Variants in ADGRV1 observed in about 807,000 individuals in gnomAD.
The protein encoded by ADGRV1 is G-protein coupled receptor 98.
ADGRV1 carries 359 observed loss-of-function variants against 596.2 expected under a neutral mutation model. The ratio of observed to expected loss-of-function variants is 0.60; its 90% CI spans 0.55 to 0.66. The LOEUF is 0.66. Ranked by LOEUF, ADGRV1 falls within the 30% of genes least tolerant of loss-of-function variation. The pLI is 0.00. For synonymous variants in ADGRV1, 2,681 were observed against 2,679.2 expected (o/e 1.00, Z -0.02); for missense variants, 7,274 against 7,575.6 (o/e 0.96, Z 1.48).
chr5:91,153,303 C>A lies in ADGRV1; in HGVS notation c.18707C>A (p.Ala6236Asp). The A allele has an allele frequency of 6.2e-7, 1 of 1,611,354 alleles. No individual in the cohort carries two copies. The highest frequency in any genetic ancestry group is 8.5e-7 in the Non-Finnish European group (1 of 1,178,790). Residue 6236 changes from alanine (A) to aspartate (D), a missense_variant, in exon 89 of 90, where the codon GCC becomes GAC. Transcript: ENST00000405460. ...TTAAAGCCAAGTCCACAAAATGGAG[C>A]CACGTTCCCGTCCTCTGGAGGATAT... ...PDLKPSPQNG[A>D]TFPSSGGYGQ...
chr5:90,638,077 G>T, intron 11 of ADGRV1, 129 bp downstream of exon 11: 1 of 613,062 alleles, frequency 1.6e-6, no homozygotes, highest in Non-Finnish European at 2.7e-6. Context: ...GTGTTATACT[G>T]GCCTTCAGAC....
At position 91,072,488 on chromosome 5, in the gene ADGRV1, C is replaced by A; in HGVS notation, c.18194C>A (p.Ala6065Asp). The change falls in exon 86 of 90, where the codon GCT becomes GAT. Residue 6065 changes from alanine (A) to aspartate (D), a missense_variant. Physicochemically the swap from Ala to Asp is moderately radical, Grantham distance 126. Coordinates refer to ENST00000405460, the MANE Select transcript of ADGRV1 (RefSeq NM_032119.4). ...GTCTATGCTGCTTTGTTCACTGCAGCTCTTGTTCCTTTGACGTGCCTCGTG... is the reference window on the plus strand; with the variant it reads ...GTCTATGCTGCTTTGTTCACTGCAGATCTTGTTCCTTTGACGTGCCTCGTG... ...PNVYAALFTA[A>D]LVPLTCLVVV... 1 of 1,613,862 alleles carries A rather than the reference C, an allele frequency of 6.2e-7. No homozygotes were observed. The highest frequency in any genetic ancestry group is 8.5e-7 in the Non-Finnish European group (1 of 1,179,758).
chr5:90,759,646 G>T, intron 58 of ADGRV1, 58 bp downstream of exon 58: 1 of 1,474,870 alleles, frequency 6.8e-7, no homozygotes, highest in South Asian at 1.2e-5. Flanking sequence ...ATGTAATTTT[G>T]AGTAGAAAGT....
Position 90,756,584 on chromosome 5 carries a change from A to G in ADGRV1, c.11711A>G (p.Glu3904Gly). Residue 3904 changes from glutamate (E) to glycine (G), a missense_variant, in exon 56 of 90, where the codon GAA becomes GGA. Physicochemically the swap from Glu to Gly is moderately conservative, Grantham distance 98 (BLOSUM62 -2). Transcript: ENST00000405460. Reference protein sequence around the residue: ...PGMEIAEIMIEENDDPRGIFM... With the variant: ...PGMEIAEIMIGENDDPRGIFM... Reference sequence around the variant, plus strand: ...ATGGAAATAGCTGAGATAATGATAGAAGAAAATGACGATCCCAGAGGAATT... The same window carrying G: ...ATGGAAATAGCTGAGATAATGATAGGAGAAAATGACGATCCCAGAGGAATT... 1 of 1,613,860 alleles carries G rather than the reference A, an allele frequency of 6.2e-7. No homozygotes were observed. The highest frequency in any genetic ancestry group is 8.5e-7 in the Non-Finnish European group (1 of 1,179,750).
At chr5:91,013,301 A>G (rs939444326) in intron 85 of ADGRV1, among the ~76,000 whole-genome samples, 7 of 152,138 alleles carry the variant, frequency 4.6e-5, no homozygotes, top group Admixed American at 1.3e-4. Context: ...GCTTTCCACA[A>G]TGGTTGGACT....
intron 21 of ADGRV1, among the ~76,000 whole-genome samples, chr5:90,665,947 G>A (rs1230024064): frequency 1.3e-5 from 2 of 149,506 alleles, no homozygotes; most frequent in African/African-American, 2.5e-5. Flanking sequence ...TTAATCCTGA[G>A]TTCTAGTTTG....
chr5:90,808,421 A>C (rs939860347), intron 73 of ADGRV1, among the ~76,000 whole-genome samples: 1 of 152,228 alleles, frequency 6.6e-6, no homozygotes, highest in South Asian at 2.1e-4. Flanking sequence ...ATTTTGGGGT[A>C]TGAAAACTAG....
chr5:90,927,844 C>T (rs1774685393), intron 83 of ADGRV1, among the ~76,000 whole-genome samples: 1 of 152,092 alleles, frequency 6.6e-6, no homozygotes, highest in Non-Finnish European at 1.5e-5. Context: ...TAAAATCTCT[C>T]AGCATTTGCT....
At chr5:90,823,708 G>GT in intron 76 of ADGRV1, 112 bp downstream of exon 76, 1 of 918,478 alleles carries the variant, frequency 1.1e-6, no homozygotes, top group Admixed American at 2.6e-5. Context: ...GATTCTTTGT[G>GT]TTTTTCTTAG....
chr5:90,818,970 G>C (rs950600153), intron 75 of ADGRV1, among the ~76,000 whole-genome samples: 1 of 151,914 alleles, frequency 6.6e-6, no homozygotes, highest in African/African-American at 2.4e-5. Flanking sequence ...CTGTTGATTG[G>C]AATAGTTTCA....
intron 5 of ADGRV1, among the ~76,000 whole-genome samples, chr5:90,624,755 T>C (rs1408547946): frequency 6.6e-6 from 1 of 152,238 alleles, no homozygotes; most frequent in Non-Finnish European, 1.5e-5. Flanking sequence ...TGAATGATTT[T>C]ATTTATTCTT....
In ADGRV1 at chr5:90,778,010, A is replaced by T; in HGVS notation, c.12633A>T (p.Arg4211=). ...AAACATCAGGAAAACTGACAATGCG[A>T]GACGAACAGTCTGCAGTCATTGTAG... ...FAETSGKLTM[R]DEQSAVIVVI... is the part of the protein sequence containing the mutation. Residue 4211 remains arginine, a synonymous_variant, in exon 62 of 90, where the codon CGA becomes CGT. Transcript: ENST00000405460. 1 of 1,590,160 alleles carries T rather than the reference A, an allele frequency of 6.3e-7. No homozygotes were observed. The highest frequency in any genetic ancestry group is 8.6e-7 in the Non-Finnish European group (1 of 1,166,734).
rs765129439 is a variant in ADGRV1, at chr5:90,694,578, C to A, written c.7822C>A (p.Leu2608Met). 6.2e-7 allele frequency: 1 copy of A among 1,613,824 alleles called. No individual in the cohort carries two copies. Residue 2608 changes from leucine to methionine, a missense_variant, in exon 33 of 90, where the codon CTG (leucine) becomes ATG (methionine). Coordinates refer to ENST00000405460, the MANE Select transcript of ADGRV1 (RefSeq NM_032119.4). ...VQEQPQTLVE[L>M]MIHRTGGSLG... Reference sequence around the variant, plus strand: ...GGAGCAGCCCCAAACCTTGGTGGAGCTGATGATACACAGGACAGGGGGCAG... The same window carrying A: ...GGAGCAGCCCCAAACCTTGGTGGAGATGATGATACACAGGACAGGGGGCAG...
At position 91,020,726 on chromosome 5, in the gene ADGRV1, C is replaced by T. The variant is rs149680125; in HGVS notation, c.18152+35204C>T. 1.1e-4 allele frequency among the ~76,000 whole-genome samples: 16 copies of T among 152,024 alleles called. No individual in the cohort carries two copies. In the East Asian group the frequency reaches 2.1e-3, roughly 20 times the overall value. ...GCAGGCATCTCAGTTGGAAGGCATG[C>T]GAGCTTGATAGAAATTGAGACACTA... On this transcript the variant is annotated intron_variant, in intron 85 of 89. Coordinates refer to ENST00000405460, the MANE Select transcript of ADGRV1 (RefSeq NM_032119.4).
At chr5:90,821,504 G>A (rs1208950248) in intron 75 of ADGRV1, among the ~76,000 whole-genome samples, 3 of 151,074 alleles carry the variant, frequency 2.0e-5, no homozygotes, top group Admixed American at 2.0e-4. Context: ...GCGTTTTAGA[G>A]TTTCCAGTTT....
intron 39 of ADGRV1, 51 bp from the exon 40 acceptor site, chr5:90,710,929 AT>A: frequency 9.2e-7 from 1 of 1,092,190 alleles, no homozygotes; most frequent in Non-Finnish European, 1.4e-6. Flanking sequence ...TATATCAAAA[AT>A]ATTTTTAATC....
intron 9 of ADGRV1, 72 bp downstream of exon 9, chr5:90,629,611 C>T (rs1765238049): frequency 9.3e-7 from 1 of 1,079,988 alleles, no homozygotes; most frequent in Non-Finnish European, 1.3e-6. Context: ...AAAGAATTAA[C>T]TGAACATTAT....
At chr5:91,072,966 T>C (rs16869414) in intron 86 of ADGRV1, among the ~76,000 whole-genome samples, 28,994 of 152,144 alleles carry the variant, frequency 0.19, 4,224 homozygotes, top group African/African-American at 0.41. Context: ...TCTGCACAGT[T>C]TAACAAACCT....
At chr5:90,595,651 C>T (rs1340147948) in intron 1 of ADGRV1, among the ~76,000 whole-genome samples, 9 of 130,720 alleles carry the variant, frequency 6.9e-5, no homozygotes, top group South Asian at 4.9e-4. Context: ...GGCGGCTGGC[C>T]GGGCGGGGAA....
Sources: gnomAD v4.1 joint callset for allele counts (sites outside exome capture counted in the v4.1 genomes callset) on GRCh38, gnomAD v4.1.1 for gene constraint, MANE v1.5 for transcripts, NCBI Gene and HGNC (gene_info 2026-07-23, HGNC 2026-07-21) for gene names.